Variants in EFCAB6 observed in about 807,000 individuals in gnomAD.
EFCAB6 encodes EF-hand calcium binding domain 6.
A neutral mutation model predicts 169.8 loss-of-function variants in EFCAB6; 156 were observed. That is an observed-to-expected ratio of 0.92 (90% CI 0.81 to 1.05). The LOEUF is 1.05. Among genes scored for constraint, EFCAB6 ranks in the 50% least tolerant of loss-of-function variants. The pLI, the probability that EFCAB6 is intolerant of heterozygous loss-of-function variation, is 0.00. For missense variants in EFCAB6, 1,800 were observed against 1,829.1 expected, an observed-to-expected ratio of 0.98 and a Z score of 0.29; for synonymous variants, 698 against 676.4, an observed-to-expected ratio of 1.03 and a Z score of -0.50.
At chr22:43,568,361 G>A (rs1396981104) in intron 26 of EFCAB6, among the ~76,000 whole-genome samples, 1 of 152,210 alleles carries the variant, frequency 6.6e-6, no homozygotes, top group Admixed American at 6.5e-5. Context: ...GGGACAATAC[G>A]TTCTTGGATT....
chr22:43,795,280 C>T lies in EFCAB6; in HGVS notation c.-7-12955G>A, dbSNP rs2062462353. ...AGTGGGGCATACACTATGAATACAACGATATAAAAATATATTGTCACAAAT... is the reference window on the plus strand; with the variant it reads ...AGTGGGGCATACACTATGAATACAATGATATAAAAATATATTGTCACAAAT... On this transcript the variant is annotated intron_variant, in intron 2 of 31. Coordinates refer to ENST00000262726, the MANE Select transcript of EFCAB6 (RefSeq NM_022785.4). The surrounding 1 kb of genome is among the most constrained non-coding windows in gnomAD (Gnocchi z 4.2). 2.0e-5 allele frequency among the ~76,000 whole-genome samples: 3 copies of T among 152,028 alleles called. No homozygotes were observed. Among genetic ancestry groups the T allele is most frequent in the South Asian group, 2.1e-4 (1 of 4,816 alleles).
At chr22:43,588,370 A>G (rs1016034596) in intron 24 of EFCAB6, among the ~76,000 whole-genome samples, 2 of 152,246 alleles carry the variant, frequency 1.3e-5, no homozygotes, top group Non-Finnish European at 2.9e-5. Context: ...ATACCTTCAG[A>G]GAAATGAGAT....
At chr22:43,542,710 C>T (rs1482976306) in intron 27 of EFCAB6, among the ~76,000 whole-genome samples, 1 of 152,124 alleles carries the variant, frequency 6.6e-6, no homozygotes, top group Non-Finnish European at 1.5e-5. Flanking sequence ...TAGCCCCCAG[C>T]CCGCATGTGG....
chr22:43,595,411 C>G (rs189988593), intron 23 of EFCAB6, among the ~76,000 whole-genome samples: 5 of 151,900 alleles, frequency 3.3e-5, no homozygotes, highest in African/African-American at 9.6e-5. Context: ...TGAATTAAAT[C>G]AGAGATAAAA....
chr22:43,556,799 C>T (rs893462220), intron 26 of EFCAB6, among the ~76,000 whole-genome samples: 21 of 152,290 alleles, frequency 1.4e-4, no homozygotes, highest in Non-Finnish European at 1.3e-4. Flanking sequence ...CAAAGGCTAA[C>T]GGAGCTTCTA....
intron 26 of EFCAB6, among the ~76,000 whole-genome samples, chr22:43,574,771 G>A (rs1209440547): frequency 6.6e-6 from 1 of 152,190 alleles, no homozygotes; most frequent in Non-Finnish European, 1.5e-5. Context: ...AGCCTTTCAG[G>A]TCATTTGTAG....
chr22:43,771,681 T>C (rs2061475692), intron 4 of EFCAB6, among the ~76,000 whole-genome samples: 1 of 152,092 alleles, frequency 6.6e-6, no homozygotes, highest in Admixed American at 6.5e-5. Flanking sequence ...AGATTTTTAC[T>C]CCTTTCATCC....
At chr22:43,573,296 A>G (rs2050011336) in intron 26 of EFCAB6, among the ~76,000 whole-genome samples, 1 of 152,142 alleles carries the variant, frequency 6.6e-6, no homozygotes, top group South Asian at 2.1e-4. Flanking sequence ...ATTCAATTTC[A>G]TTTCTATATG....
At chr22:43,804,758 C>CTAA (rs2062851086) in intron 2 of EFCAB6, among the ~76,000 whole-genome samples, 8 of 127,066 alleles carry the variant, frequency 6.3e-5, no homozygotes, top group African/African-American at 2.1e-4. Flanking sequence ...AGCCCTGCCT[C>CTAA]AAAAAAAAAA....
At chr22:43,786,082 G>A (rs554536728) in intron 2 of EFCAB6, among the ~76,000 whole-genome samples, 1 of 152,302 alleles carries the variant, frequency 6.6e-6, no homozygotes, top group Admixed American at 6.5e-5. Context: ...AAAATTCAAG[G>A]CTGGGCATGG....
At position 43,580,468 on chromosome 22, in the gene EFCAB6, G is replaced by A; in HGVS notation, c.3224C>T (p.Ser1075Phe). Residue 1075 changes from serine to phenylalanine, a missense_variant, in exon 25 of 32, where the codon TCC becomes TTC. Coordinates refer to ENST00000262726, the MANE Select transcript of EFCAB6 (RefSeq NM_022785.4). ...AGCACTTTCAGCCTGTCATACCGTG[G>A]ACAAAGCCAGCTGGGAGGACTCAAC... is the stretch of plus-strand genomic sequence containing the variant. Reference protein sequence around the residue: ...EVVESSQLALSTAFSALDKED... With the variant: ...EVVESSQLALFTAFSALDKED... 1 of 1,614,006 alleles carries A rather than the reference G, an allele frequency of 6.2e-7. No individual in the cohort carries two copies. Among genetic ancestry groups the A allele is most frequent in the Non-Finnish European group, 8.5e-7 (1 of 1,179,968 alleles).
Position 43,812,254 on chromosome 22 carries a change from A to C in EFCAB6, c.-231T>G, listed in dbSNP as rs1057338510. The C allele has an allele frequency of 6.6e-6, 1 of 152,302 alleles. No homozygotes were observed. Among genetic ancestry groups the C allele is most frequent in the Non-Finnish European group, 1.5e-5 (1 of 68,072 alleles). The allele number at this position is 152,302 out of a possible 1,614,324, so 9.4% of individuals were successfully genotyped here. A position where few individuals can be genotyped will look rare whatever the true frequency, so the allele number is the denominator to read the frequency against. On this transcript the variant is annotated 5_prime_UTR_variant, in exon 1 of 32. An upstream start codon of the reference 5' UTR is lost. Coordinates refer to ENST00000262726, the MANE Select transcript of EFCAB6 (RefSeq NM_022785.4). ...CCGCGGGGTCTCAGAGGGGCTGCCC[A>C]TTCGGCGTCTCTAGGACGCTGTTGC...
intron 19 of EFCAB6, among the ~76,000 whole-genome samples, chr22:43,629,712 G>A (rs1161085312): frequency 6.6e-6 from 1 of 152,142 alleles, no homozygotes; most frequent in East Asian, 1.9e-4. Context: ...CAGAAGCTTG[G>A]GGAGGAGTCC....
intron 20 of EFCAB6, among the ~76,000 whole-genome samples, chr22:43,619,728 C>T (rs955751429): frequency 3.9e-4 from 59 of 152,142 alleles, no homozygotes; most frequent in African/African-American, 1.4e-3. Context: ...AACATAGTCT[C>T]AGAGATACAA....
chr22:43,567,334 T>C (rs1381159374), intron 26 of EFCAB6, among the ~76,000 whole-genome samples: 2 of 151,852 alleles, frequency 1.3e-5, no homozygotes, highest in Non-Finnish European at 2.9e-5. Flanking sequence ...CCTTTAATGA[T>C]TCAATAAATT....
At chr22:43,784,718 C>CACACACACAT in intron 2 of EFCAB6, among the ~76,000 whole-genome samples, 1 of 112,184 alleles carries the variant, frequency 8.9e-6, no homozygotes, top group Admixed American at 9.1e-5. Context: ...CACACACACA[C>CACACACACAT]ATATATATAT....
intron 18 of EFCAB6, among the ~76,000 whole-genome samples, chr22:43,633,215 G>A (rs1420760677): frequency 1.3e-5 from 2 of 152,064 alleles, no homozygotes; most frequent in Non-Finnish European, 2.9e-5. Flanking sequence ...ATGCCCTCTC[G>A]CTCCCCTAAA....
At chr22:43,595,113 G>T (rs2051897830) in intron 23 of EFCAB6, among the ~76,000 whole-genome samples, 1 of 151,934 alleles carries the variant, frequency 6.6e-6, no homozygotes, top group East Asian at 1.9e-4. Flanking sequence ...AAATCTATGG[G>T]ATGCAGCAAA....
chr22:43,619,889 AG>A (rs1184458640), intron 20 of EFCAB6, among the ~76,000 whole-genome samples: 1 of 152,234 alleles, frequency 6.6e-6, no homozygotes, highest in Non-Finnish European at 1.5e-5. Context: ...ACATTTAAGA[AG>A]CTCAGTAAAT....
Sources: allele counts gnomAD v4.1 joint callset (sites outside exome capture counted in the v4.1 genomes callset), GRCh38; gene constraint gnomAD v4.1.1; non-coding constraint Gnocchi (gnomAD v3.1); transcripts MANE v1.5; gene names NCBI Gene and HGNC (gene_info 2026-07-23, HGNC 2026-07-21).